Variants in CSMD1 observed in about 807,000 individuals in gnomAD.
CSMD1 encodes the protein CUB and sushi domain-containing protein 1.
In CSMD1, 213 loss-of-function variants were observed where a neutral mutation model predicts 417.5. That is an observed-to-expected ratio of 0.51 (90% confidence interval 0.46 to 0.57). CSMD1 has a LOEUF of 0.57. Ranked by LOEUF, CSMD1 falls within the 20% of genes least tolerant of loss-of-function variation. The pLI is 0.00. For missense variants in CSMD1, 6,923 were observed against 4,529.7 expected (o/e 1.53, Z -15.17); for synonymous variants, 2,862 against 1,736.8 (o/e 1.65, Z -16.11).
intron 4 of CSMD1, among the ~76,000 whole-genome samples, chr8:4,014,285 G>T (rs767619955): frequency 6.6e-6 from 1 of 152,128 alleles, no homozygotes; most frequent in East Asian, 1.9e-4. Flanking sequence ...CACTAATTAT[G>T]GCATTGCGTG....
rs1006376045 is a variant in CSMD1, at chr8:4,487,419, G to C, written c.303-67354C>G. ...CTATGAGTGAGAACATGCAGTGTTT[G>C]GTTTTTCGTTCTTGCGATACATTAC... On this transcript the variant is annotated intron_variant, in intron 2 of 69. Transcript: ENST00000635120. Among the ~76,000 whole-genome samples, 3 of 152,062 alleles carry C rather than the reference G, an allele frequency of 2.0e-5. No homozygotes were observed. In the South Asian group the frequency reaches 6.2e-4, roughly 32 times the overall value.
chr8:2,982,934 G>T (rs1805549447), intron 54 of CSMD1, among the ~76,000 whole-genome samples: 1 of 152,108 alleles, frequency 6.6e-6, no homozygotes, highest in African/African-American at 2.4e-5. Flanking sequence ...CAGTAACAGG[G>T]CATCACATAA....
chr8:4,506,036 A>G (rs990742310), intron 2 of CSMD1, among the ~76,000 whole-genome samples: 1 of 151,984 alleles, frequency 6.6e-6, no homozygotes, highest in Non-Finnish European at 1.5e-5. Flanking sequence ...CCCCAAACAT[A>G]TTTTTGAACA....
At chr8:3,033,493 A>T (rs1282546696) in intron 50 of CSMD1, among the ~76,000 whole-genome samples, 1 of 152,042 alleles carries the variant, frequency 6.6e-6, no homozygotes, top group Non-Finnish European at 1.5e-5. Context: ...GACGGTTAAC[A>T]CGGGAACAGA....
chr8:3,904,814 T>C (rs1038020770), intron 5 of CSMD1, among the ~76,000 whole-genome samples: 1 of 152,032 alleles, frequency 6.6e-6, no homozygotes, highest in African/African-American at 2.4e-5. Context: ...TTTTTGTATT[T>C]TTAGTAAAGA....
chr8:3,515,912 G>A (rs763311918), intron 10 of CSMD1, among the ~76,000 whole-genome samples: 6 of 152,226 alleles, frequency 3.9e-5, no homozygotes, highest in Non-Finnish European at 7.3e-5. Context: ...GGTTACAGCA[G>A]AAGGCTAAAA....
In CSMD1 at chr8:3,399,492, G is replaced by A. The variant is rs573267573; in HGVS notation, c.2304C>T (p.Val768=). Residue 768 remains valine (V), a synonymous_variant, in exon 16 of 70, where the codon GTC becomes GTT. Transcript: ENST00000635120. ...ATCCTGGCCATCCAGGAGGCAAAAT[G>A]ACTCCGCTGGACGCTGTCAGATGTC... ...CGGHLTASSG[V]ILPPGWPGYY... 1.7e-5 allele frequency: 27 copies of A among 1,607,392 alleles called. No homozygotes were observed. The Middle Eastern group carries it at 1.3e-3, about 79-fold the overall frequency.
intron 12 of CSMD1, among the ~76,000 whole-genome samples, chr8:3,416,667 G>A (rs1324224108): frequency 1.3e-5 from 2 of 152,160 alleles, no homozygotes; most frequent in African/African-American, 2.4e-5. Flanking sequence ...AGATTCTGCT[G>A]TGGCCACATC....
intron 3 of CSMD1, among the ~76,000 whole-genome samples, chr8:4,235,087 G>T (rs537941278): frequency 6.6e-6 from 1 of 152,060 alleles, no homozygotes; most frequent in Non-Finnish European, 1.5e-5. Flanking sequence ...CTTTCCAGGG[G>T]ACTTCAAGAA....
intron 5 of CSMD1, among the ~76,000 whole-genome samples, chr8:3,817,517 G>A (rs544780647): frequency 2.0e-5 from 3 of 151,858 alleles, no homozygotes; most frequent in South Asian, 4.2e-4. Context: ...CTGACCTTGT[G>A]ATCCACCCAC....
intron 3 of CSMD1, among the ~76,000 whole-genome samples, chr8:4,236,308 A>T (rs577237591): frequency 3.9e-5 from 6 of 152,122 alleles, no homozygotes; most frequent in Non-Finnish European, 7.4e-5. Context: ...AGAACGCAGG[A>T]AACAGTATAG....
At chr8:4,699,290 C>T (rs764214387) in intron 1 of CSMD1, among the ~76,000 whole-genome samples, 7 of 152,156 alleles carry the variant, frequency 4.6e-5, no homozygotes, top group Non-Finnish European at 1.0e-4. Flanking sequence ...CCAACAGTAC[C>T]TCTCTGTTTC....
intron 3 of CSMD1, among the ~76,000 whole-genome samples, chr8:4,228,308 A>T (rs976077202): frequency 6.6e-6 from 1 of 152,158 alleles, no homozygotes; most frequent in African/African-American, 2.4e-5. Context: ...AAACTCTTTG[A>T]AATAGGTGTT....
At chr8:4,084,989 C>A (rs62501304) in intron 3 of CSMD1, among the ~76,000 whole-genome samples, 2 of 151,714 alleles carry the variant, frequency 1.3e-5, no homozygotes, top group African/African-American at 2.4e-5. Flanking sequence ...CCACAGCAGG[C>A]GCGTGACAGG....
At chr8:3,881,557 A>G (rs1422968252) in intron 5 of CSMD1, among the ~76,000 whole-genome samples, 3 of 147,962 alleles carry the variant, frequency 2.0e-5, no homozygotes, top group African/African-American at 7.4e-5. Flanking sequence ...TTGAGCCAAG[A>G]TGGAGCCATT....
intron 3 of CSMD1, among the ~76,000 whole-genome samples, chr8:4,197,684 G>C (rs758446417): frequency 3.3e-5 from 5 of 152,178 alleles, no homozygotes; most frequent in East Asian, 3.9e-4. Flanking sequence ...TTTGAGGCCA[G>C]CTTGGCCAAC....
At chr8:4,800,583 G>A (rs1798228364) in intron 1 of CSMD1, among the ~76,000 whole-genome samples, 1 of 152,230 alleles carries the variant, frequency 6.6e-6, no homozygotes, top group African/African-American at 2.4e-5. Flanking sequence ...GTCAGAGGCA[G>A]AGCAGGGAAG....
At chr8:4,446,071 A>G (rs992634733) in intron 2 of CSMD1, among the ~76,000 whole-genome samples, 1 of 152,222 alleles carries the variant, frequency 6.6e-6, no homozygotes, top group Non-Finnish European at 1.5e-5. Context: ...GCTGTTTCAT[A>G]GGCGGAAGGG....
At chr8:3,746,134 G>C (rs1235266492) in intron 6 of CSMD1, among the ~76,000 whole-genome samples, 6 of 152,192 alleles carry the variant, frequency 3.9e-5, no homozygotes, top group Non-Finnish European at 5.9e-5. Context: ...GCCTGCATGA[G>C]ACAGAGAACA....
Sources: gnomAD v4.1 joint callset for allele counts (sites outside exome capture counted in the v4.1 genomes callset) on GRCh38, gnomAD v4.1.1 for gene constraint, MANE v1.5 for transcripts, NCBI Gene and HGNC (gene_info 2026-07-23, HGNC 2026-07-21) for gene names.